Variants in PODN observed in about 807,000 individuals in gnomAD.
The protein encoded by PODN is podocan proteoglycan.
PODN carries 40 observed loss-of-function variants against 52.7 expected under a neutral mutation model. The observed-to-expected ratio is 0.76, with a 90% confidence interval of 0.59 to 0.99. PODN has a LOEUF of 0.99. PODN is among the 50% of genes least tolerant of loss of function. The probability of loss-of-function intolerance (pLI) is 0.00; values close to 1 mark genes in which losing one functional copy is unlikely to be tolerated. For synonymous variants in PODN, 396 were observed against 377.9 expected (o/e 1.05, Z -0.56); for missense variants, 720 against 815.1 (o/e 0.88, Z 1.42).
intron 6 of PODN, 79 bp from the exon 7 acceptor site, chr1:53,077,606 T>C (rs1020928063): frequency 1.4e-6 from 2 of 1,383,072 alleles, no homozygotes; most frequent in Non-Finnish European, 2.0e-6. Context: ...CCCAGACTCC[T>C]CTCCACACCT....
intron 9 of PODN, among the ~76,000 whole-genome samples, chr1:53,081,249 G>A (rs1412557186): frequency 1.3e-5 from 2 of 152,198 alleles, no homozygotes; most frequent in East Asian, 1.9e-4. Context: ...GCCCTCCCTG[G>A]CTTCTGGGGC....
At chr1:53,079,523 A>T (rs1367534802) in intron 8 of PODN, among the ~76,000 whole-genome samples, 1 of 152,114 alleles carries the variant, frequency 6.6e-6, no homozygotes, top group African/African-American at 2.4e-5. Flanking sequence ...CAGAGGGGAC[A>T]GCCTGAGCTG....
intron 6 of PODN, among the ~76,000 whole-genome samples, 154 bp downstream of exon 6, chr1:53,077,500 T>C (rs1380201257): frequency 1.3e-5 from 2 of 152,122 alleles, no homozygotes; most frequent in Admixed American, 6.5e-5. Context: ...TGTGGAGAAG[T>C]GGGCAGAAAC....
intron 5 of PODN, 121 bp downstream of exon 5, chr1:53,076,092 T>C (rs994672699): frequency 7.2e-6 from 6 of 833,144 alleles, no homozygotes; most frequent in Non-Finnish European, 1.2e-5. Context: ...AGGGCTGTGG[T>C]GGAGGGACAC....
chr1:53,079,786 G>C (rs1322587403), intron 8 of PODN, among the ~76,000 whole-genome samples: 1 of 151,960 alleles, frequency 6.6e-6, no homozygotes, highest in Non-Finnish European at 1.5e-5. Context: ...CTTGAGCCCA[G>C]GAGTTTGAGG....
rs527951749 is a variant in PODN, at chr1:53,070,050, G to T, written c.195G>T (p.Ala65=). The change falls in exon 2 of 11, where the codon GCG becomes GCT. Residue 65 remains alanine (A), a synonymous_variant. Coordinates refer to ENST00000312553, the MANE Select transcript of PODN (RefSeq NM_153703.5). ...SPEEPGPGPA[A]VSCPRDCACS... ...AGGAGCCCGGGCCTGGCCCAGCCGC[G>T]GTCAGCTGCCCCCGAGACTGTGCCT... The T allele has an allele frequency of 5.6e-6, 9 of 1,612,976 alleles. No individual in the cohort carries two copies. Among genetic ancestry groups the T allele is most frequent in the Non-Finnish European group, 5.9e-6 (7 of 1,179,968 alleles).
At chr1:53,065,130 G>A (rs776769190) in intron 1 of PODN, among the ~76,000 whole-genome samples, 8 of 152,194 alleles carry the variant, frequency 5.3e-5, no homozygotes, top group African/African-American at 1.2e-4. Flanking sequence ...TTGGGAGGCC[G>A]AGGCAGAAGG....
Position 53,077,211 on chromosome 1 carries a change from C to A in PODN, c.603C>A (p.Asn201Lys), listed in dbSNP as rs1212496347. 1.2e-6 allele frequency: 2 copies of A among 1,613,388 alleles called. No homozygotes were observed. The highest frequency in any genetic ancestry group is 1.7e-5 in the Admixed American group (1 of 60,028). The change falls in exon 6 of 11, where the codon AAC becomes AAA. Residue 201 changes from asparagine to lysine, a missense_variant. Asn to Lys is a moderately conservative substitution (Grantham distance 94). Transcript: ENST00000312553. ...PNLRSVYLHN[N>K]KLADAGLPDN... is the part of the protein sequence containing the mutation. The stretch of plus-strand genomic sequence containing the variant: ...CCAGGTCTGTGTACCTGCACAACAA[C>A]AAGCTGGCAGACGCCGGGCTGCCGG...
intron 8 of PODN, among the ~76,000 whole-genome samples, chr1:53,080,501 A>G (rs1288395): frequency 1 from 152,108 of 152,292 alleles, 75,963 homozygotes; most frequent in Middle Eastern, 1. Flanking sequence ...GGAGTCAGGC[A>G]CACCCGGCTA....
chr1:53,066,901 T>A lies in PODN; in HGVS notation c.-55-2900T>A, dbSNP rs143608808. 1.9e-3 allele frequency: 2,855 copies of A among 1,531,844 alleles called. 42 individuals carry two copies. The African/African-American group carries it at 0.033, about 18-fold the overall frequency. 94.9% of individuals were successfully genotyped at this position (1,531,844 alleles called of 1,614,324 possible). A position where few individuals can be genotyped will look rare whatever the true frequency, so the allele number is the denominator to read the frequency against. ...ACAGGATATGTGAGACCAGAGCTCC[T>A]TCCCCTGGATTCTTCTCCTTGGCCT... On this transcript the variant is annotated intron_variant, in intron 1 of 10. Coordinates refer to ENST00000312553, the MANE Select transcript of PODN (RefSeq NM_153703.5).
intron 9 of PODN, 144 bp from the exon 10 acceptor site, chr1:53,081,837 C>T: frequency 7.9e-7 from 1 of 1,267,506 alleles, no homozygotes; most frequent in South Asian, 1.6e-5. Flanking sequence ...ACTGCGCTCT[C>T]AGCCCCTGGC....
intron 10 of PODN, among the ~76,000 whole-genome samples, chr1:53,084,296 T>G (rs965233063): frequency 2.6e-5 from 4 of 151,600 alleles, no homozygotes; most frequent in Admixed American, 2.6e-4. Flanking sequence ...TGAGTGGGGC[T>G]CTGGGAGAAG....
At position 53,070,007 on chromosome 1, in the gene PODN, T is replaced by G. The variant is rs36005851; in HGVS notation, c.152T>G (p.Val51Gly). 1.1e-4 allele frequency: 182 copies of G among 1,612,632 alleles called. 2 individuals carry two copies. In the African/African-American group the frequency reaches 2.2e-3, roughly 19 times the overall value. The change falls in exon 2 of 11, where the codon GTG becomes GGG. Residue 51 changes from valine to glycine, a missense_variant. Coordinates refer to ENST00000312553, the MANE Select transcript of PODN (RefSeq NM_153703.5). ...AACGAATTTGCGGAGGAGGAGCCGG[T>G]GCTGGTACTGAGCCCTGAGGAGCCC... ...EENEFAEEEP[V>G]LVLSPEEPGP...
chr1:53,079,807 C>A (rs1288391), intron 8 of PODN, among the ~76,000 whole-genome samples: 83,494 of 151,364 alleles, frequency 0.55, 26,589 homozygotes, highest in Non-Finnish European at 0.72. Context: ...CTTGCCCGGG[C>A]AACATAATGA....
chr1:53,082,588 G>A (rs1390866966), intron 10 of PODN, among the ~76,000 whole-genome samples: 2 of 152,220 alleles, frequency 1.3e-5, no homozygotes, highest in Admixed American at 6.5e-5. Context: ...CTGAGACAGA[G>A]CAGTTAGGAA....
intron 1 of PODN, among the ~76,000 whole-genome samples, chr1:53,068,850 A>G (rs1644070066): frequency 6.6e-6 from 1 of 152,016 alleles, no homozygotes; most frequent in African/African-American, 2.4e-5. Flanking sequence ...TGGGCCTGAG[A>G]TCATCCCCTG....
In PODN at chr1:53,084,302, A is replaced by T. The variant is rs557326112; in HGVS notation, c.*28-211A>T. Among the ~76,000 whole-genome samples the T allele has an allele frequency of 1.9e-4, 28 of 151,280 alleles. No homozygotes were observed. In the East Asian group the frequency reaches 5.3e-3, roughly 29 times the overall value. On this transcript the variant is annotated intron_variant, in intron 10 of 10. Transcript: ENST00000312553. Reference sequence around the variant, plus strand: ...CAGGTCAGTTGAGTGGGGCTCTGGGAGAAGCCCTGGGGAGTGGCTGGTGGG... The same window carrying T: ...CAGGTCAGTTGAGTGGGGCTCTGGGTGAAGCCCTGGGGAGTGGCTGGTGGG...
chr1:53,077,913 C>A, intron 7 of PODN, 113 bp downstream of exon 7: 1 of 781,708 alleles, frequency 1.3e-6, no homozygotes, highest in Admixed American at 2.6e-5. Flanking sequence ...GCCCACCTTC[C>A]CTGGAGAAGG....
chr1:53,077,365 A>G lies in PODN; in HGVS notation c.738+19A>G, dbSNP rs771933507. 1 of 1,612,036 alleles carries G rather than the reference A, an allele frequency of 6.2e-7. No homozygotes were observed. The highest frequency in any genetic ancestry group is 2.2e-5 in the East Asian group (1 of 44,884). On this transcript the variant is annotated intron_variant, in intron 6 of 10. Coordinates refer to ENST00000312553, the MANE Select transcript of PODN (RefSeq NM_153703.5). ...CCTCAAGGTGGGCAGGGGAGGGGTA[A>G]GGAGGGGCACAGCAGACCCCACAGC...
Sources: gnomAD v4.1 joint callset for allele counts (sites outside exome capture counted in the v4.1 genomes callset) on GRCh38, gnomAD v4.1.1 for gene constraint, MANE v1.5 for transcripts, NCBI Gene and HGNC (gene_info 2026-07-23, HGNC 2026-07-21) for gene names.